UBIAD1: variants seen among roughly 807,000 people sequenced by gnomAD.
The protein encoded by UBIAD1 is ubiA prenyltransferase domain-containing protein 1.
A neutral mutation model predicts 20.1 loss-of-function variants in UBIAD1; 12 were observed. The ratio of observed to expected loss-of-function variants is 0.60; its 90% CI spans 0.38 to 0.97. The LOEUF (loss-of-function observed/expected upper bound fraction) is 0.97, where lower values mean the gene tolerates loss of function less well. UBIAD1 is among the 50% of genes least tolerant of loss of function. UBIAD1 has a pLI of 0.00. For synonymous variants in UBIAD1, 207 were observed against 189.2 expected (o/e 1.09, Z -0.77); for missense variants, 333 against 419.5 (o/e 0.79, Z 1.80).
At position 11,285,307 on chromosome 1, in the gene UBIAD1, T is replaced by C. The variant is rs1638238141; in HGVS notation, c.530-337T>C. Among the ~76,000 whole-genome samples the C allele has an allele frequency of 6.6e-6, 1 of 152,138 alleles. No individual in the cohort carries two copies. Among genetic ancestry groups the C allele is most frequent in the African/African-American group, 2.4e-5 (1 of 41,434 alleles). On this transcript the variant is annotated intron_variant, in intron 1 of 1. Transcript: ENST00000376810. This position sits in a 1 kb window ranked among gnomAD's most constrained non-coding sequence, Gnocchi z 4.4. Reference sequence around the variant, plus strand: ...TAGCAAAGAACTGGATTCTAAGACCTTTAGATCCTTCCTGGGCTCTCCCAT... The same window carrying C: ...TAGCAAAGAACTGGATTCTAAGACCCTTAGATCCTTCCTGGGCTCTCCCAT...
downstream of UBIAD1, among the ~76,000 whole-genome samples, chr1:11,296,648 T>G (rs1638453224): frequency 6.6e-6 from 1 of 151,948 alleles, no homozygotes. Flanking sequence ...GCCTCCAGAG[T>G]AGCTTGGACT....
At chr1:11,281,459 A>G (rs936305990) in intron 1 of UBIAD1, among the ~76,000 whole-genome samples, 2 of 152,204 alleles carry the variant, frequency 1.3e-5, no homozygotes, top group African/African-American at 2.4e-5. Context: ...CTGGCATGTA[A>G]TATTACTTAG....
In UBIAD1 at chr1:11,286,388, A is replaced by T. The variant is rs180764660; in HGVS notation, c.*257A>T. ...GGCGCATGGTCTTTGTTTTATTAAT[A>T]ATTTCCACTAGAGGGTGTTCTCAGG... On this transcript the variant is annotated 3_prime_UTR_variant, in exon 2 of 2. Coordinates refer to ENST00000376810, the MANE Select transcript of UBIAD1 (RefSeq NM_013319.3). The T allele has an allele frequency of 9.3e-4, 478 of 515,664 alleles. 3 individuals are homozygous for T. Among genetic ancestry groups the T allele is most frequent in the African/African-American group, 8.4e-3 (437 of 52,090 alleles). The allele number at this position is 515,664 out of a possible 1,614,324, so 31.9% of individuals were successfully genotyped here. A position where few individuals can be genotyped will look rare whatever the true frequency, so the allele number is the denominator to read the frequency against.
chr1:11,273,379 G>T lies in UBIAD1; in HGVS notation c.-153G>T. ...TCGTGGGGTGTAAGACCCACTTGCT[G>T]TTGCCCCCGGACCTTGCCGCCACAC... On this transcript the variant is annotated 5_prime_UTR_variant, in exon 1 of 2. Transcript: ENST00000376810. This position sits in a 1 kb window ranked among gnomAD's most constrained non-coding sequence, Gnocchi z 4.9. The T allele has an allele frequency of 1.1e-6, 1 of 909,252 alleles. No individual in the cohort carries two copies. The highest frequency in any genetic ancestry group is 1.5e-5 in the South Asian group (1 of 65,352). The allele number at this position is 909,252 out of a possible 1,614,324, so 56.3% of individuals were successfully genotyped here. A position where few individuals can be genotyped will look rare whatever the true frequency, so the allele number is the denominator to read the frequency against.
At position 11,273,460 on chromosome 1, in the gene UBIAD1, T is replaced by C. The variant is rs1651853521; in HGVS notation, c.-72T>C. 6.3e-7 allele frequency: 1 copy of C among 1,587,074 alleles called. No homozygotes were observed. The highest frequency in any genetic ancestry group is 8.6e-7 in the Non-Finnish European group (1 of 1,164,036). On this transcript the variant is annotated 5_prime_UTR_variant, in exon 1 of 2. Transcript: ENST00000376810. The surrounding 1 kb of genome is among the most constrained non-coding windows in gnomAD (Gnocchi z 4.9). Reference sequence around the variant, plus strand: ...GGTCGGGCCCTGCTGCCCCGCCCCGTCCTTCCTCCTTCCCGGGCGGTCACT... The same window carrying C: ...GGTCGGGCCCTGCTGCCCCGCCCCGCCCTTCCTCCTTCCCGGGCGGTCACT...
In UBIAD1 at chr1:11,286,607, G is replaced by A. The variant is rs1638265803; in HGVS notation, c.*476G>A. 4.6e-6 allele frequency: 1 copy of A among 218,092 alleles called. No individual in the cohort carries two copies. Among genetic ancestry groups the A allele is most frequent in the African/African-American group, 2.3e-5 (1 of 42,704 alleles). The allele number at this position is 218,092 out of a possible 1,614,324, so 13.5% of individuals were successfully genotyped here. A position where few individuals can be genotyped will look rare whatever the true frequency, so the allele number is the denominator to read the frequency against. On this transcript the variant is annotated 3_prime_UTR_variant, in exon 2 of 2. Transcript: ENST00000376810. ...GGCCTCACTAACACAGGGGCTACCT[G>A]TCTCTTATTCTCAGCACCTGTGTCC...
chr1:11,275,518 A>C (rs1335920240), intron 1 of UBIAD1, among the ~76,000 whole-genome samples: 3 of 152,136 alleles, frequency 2.0e-5, no homozygotes, highest in Non-Finnish European at 4.4e-5. Flanking sequence ...AAGCGAGAGG[A>C]TCGCTTGAGG....
chr1:11,290,446 A>G (rs905205623), downstream of UBIAD1, among the ~76,000 whole-genome samples: 20 of 152,142 alleles, frequency 1.3e-4, no homozygotes, highest in African/African-American at 4.6e-4. Flanking sequence ...TGGGGCACAG[A>G]TCCTGCTACT....
chr1:11,294,954 C>G (rs1030958982), exon 2 of UBIAD1: 18 of 717,338 alleles, frequency 2.5e-5, no homozygotes, highest in Admixed American at 1.8e-4. Context: ...AGTGACCTGC[C>G]TTCTAGACCT....
chr1:11,273,304 G>A lies in UBIAD1; in HGVS notation c.-228G>A, dbSNP rs1338683065. On this transcript the variant is annotated 5_prime_UTR_variant, in exon 1 of 2. Transcript: ENST00000376810. The surrounding 1 kb of genome is among the most constrained non-coding windows in gnomAD (Gnocchi z 4.9). ...GGCTCTAACGCGGGGCTGGGGGCCG[G>A]AGACAGACTTCGCCCAGGTGACGGG... 3.4e-6 allele frequency: 2 copies of A among 588,742 alleles called. No individual in the cohort carries two copies. The highest frequency in any genetic ancestry group is 6.0e-6 in the Non-Finnish European group (2 of 330,928). 36.5% of individuals were successfully genotyped at this position (588,742 alleles called of 1,614,324 possible).
intron 1 of UBIAD1, among the ~76,000 whole-genome samples, chr1:11,284,006 G>A (rs1297864915): frequency 6.6e-6 from 1 of 152,166 alleles, no homozygotes; most frequent in Non-Finnish European, 1.5e-5. Flanking sequence ...CTGTAGCTCT[G>A]TCTTCAGTTC....
chr1:11,273,863 TTGACCAC>T lies in UBIAD1; in HGVS notation c.333_339del (p.Asp112LysfsTer42), dbSNP rs1651885426. 6.2e-7 allele frequency: 1 copy of T among 1,614,098 alleles called. No homozygotes were observed. The highest frequency in any genetic ancestry group is 1.3e-5 in the African/African-American group (1 of 74,930). On this transcript the variant is annotated frameshift_variant, in exon 1 of 2. Transcript: ENST00000376810. LOFTEE classifies it high-confidence loss of function. The surrounding 1 kb of genome is among the most constrained non-coding windows in gnomAD (Gnocchi z 4.9). ...ACTTACTATGACTTTTCCAAGGGCATTGACCACAAAAAGAGTGATGACAGGACACTTG... is the reference window on the plus strand; with the variant it reads ...ACTTACTATGACTTTTCCAAGGGCATAAAAAGAGTGATGACAGGACACTTG...
At chr1:11,294,833 C>G in intron 1 of UBIAD1, 1 of 717,478 alleles carries the variant, frequency 1.4e-6, no homozygotes, top group Non-Finnish European at 2.6e-6. Flanking sequence ...ATGCTCCTGT[C>G]CCCTCATCTG....
chr1:11,282,276 C>G (rs1479290209), intron 1 of UBIAD1, among the ~76,000 whole-genome samples: 1 of 152,166 alleles, frequency 6.6e-6, no homozygotes, highest in Admixed American at 6.6e-5. Flanking sequence ...TTCTGGCTGC[C>G]GTGTGGAGAA....
intron 1 of UBIAD1, among the ~76,000 whole-genome samples, chr1:11,283,321 G>A (rs1652307181): frequency 6.6e-6 from 1 of 152,188 alleles, no homozygotes. Flanking sequence ...CAGCTGTAGA[G>A]GAACTGGCTA....
chr1:11,275,650 G>A (rs899960676), intron 1 of UBIAD1, among the ~76,000 whole-genome samples: 2 of 152,042 alleles, frequency 1.3e-5, no homozygotes, highest in Admixed American at 6.5e-5. Flanking sequence ...AGGCTGAGGC[G>A]GGAGAATTGC....
chr1:11,281,277 C>T (rs998302795), intron 1 of UBIAD1, among the ~76,000 whole-genome samples: 2 of 152,100 alleles, frequency 1.3e-5, no homozygotes, highest in African/African-American at 4.8e-5. Flanking sequence ...TGATACTTCC[C>T]CTGCTGCTCT....
At chr1:11,274,170 G>A (rs1025442559) in intron 1 of UBIAD1, 110 bp downstream of exon 1, 3 of 1,330,306 alleles carry the variant, frequency 2.3e-6, no homozygotes, top group Non-Finnish European at 1.1e-6. Flanking sequence ...AATTTAAGCC[G>A]CTTTAATTGA....
chr1:11,290,911 C>T (rs950446482), downstream of UBIAD1, among the ~76,000 whole-genome samples: 11 of 138,742 alleles, frequency 7.9e-5, no homozygotes, highest in Middle Eastern at 3.4e-3. Context: ...TGCAGTGAGC[C>T]GAGATCACGC....
Sources: allele counts gnomAD v4.1 joint callset (sites outside exome capture counted in the v4.1 genomes callset), GRCh38; gene constraint gnomAD v4.1.1; non-coding constraint Gnocchi (gnomAD v3.1); transcripts MANE v1.5; gene names NCBI Gene and HGNC (gene_info 2026-07-23, HGNC 2026-07-21).